FHOD3: variants seen among roughly 807,000 people sequenced by gnomAD.
FHOD3 encodes FH1/FH2 domain-containing protein 3.
In FHOD3, 90 loss-of-function variants were observed where a neutral mutation model predicts 173.0. That is an observed-to-expected ratio of 0.52 (90% CI 0.44 to 0.62). The LOEUF is 0.62. Ranked by LOEUF, FHOD3 falls within the 20% of genes least tolerant of loss-of-function variation. The probability of loss-of-function intolerance (pLI) is 0.00; values close to 1 mark genes in which losing one functional copy is unlikely to be tolerated. For missense variants in FHOD3, 1,945 were observed against 2,034.7 expected (o/e 0.96, Z 0.85); for synonymous variants, 828 against 823.0 (o/e 1.01, Z -0.10).
intron 5 of FHOD3, among the ~76,000 whole-genome samples, chr18:36,551,322 T>C (rs1165204380): frequency 6.6e-6 from 1 of 152,062 alleles, no homozygotes; most frequent in Admixed American, 6.5e-5. Context: ...GACAGATTGG[T>C]GTATAGTTTT....
intron 3 of FHOD3, among the ~76,000 whole-genome samples, chr18:36,467,079 C>T (rs2052989105): frequency 6.6e-6 from 1 of 152,220 alleles, no homozygotes; most frequent in East Asian, 1.9e-4. Flanking sequence ...TTCTTCAGGC[C>T]CTGACTGCTC....
At chr18:36,777,421 G>A (rs2043755199) in intron 28 of FHOD3, among the ~76,000 whole-genome samples, 1 of 151,958 alleles carries the variant, frequency 6.6e-6, no homozygotes, top group African/African-American at 2.4e-5. Flanking sequence ...TCAAGCTGCT[G>A]ACCTCAAGTG....
At chr18:36,528,458 G>A (rs989848767) in intron 5 of FHOD3, among the ~76,000 whole-genome samples, 3 of 152,152 alleles carry the variant, frequency 2.0e-5, no homozygotes, top group Admixed American at 2.0e-4. Flanking sequence ...TCTTTCTATG[G>A]CTCACCTTCT....
intron 3 of FHOD3, among the ~76,000 whole-genome samples, chr18:36,492,537 A>G (rs2054523885): frequency 6.6e-6 from 1 of 152,220 alleles, no homozygotes. Context: ...TTCATTTACA[A>G]TTATAACCTC....
intron 17 of FHOD3, among the ~76,000 whole-genome samples, chr18:36,704,640 C>G (rs1225244433): frequency 6.6e-6 from 1 of 152,202 alleles, no homozygotes; most frequent in African/African-American, 2.4e-5. Context: ...AAGGGACACT[C>G]TGCTCCTTCC....
intron 10 of FHOD3, among the ~76,000 whole-genome samples, chr18:36,633,693 A>G (rs2034676807): frequency 1.3e-5 from 2 of 152,336 alleles, no homozygotes; most frequent in South Asian, 2.1e-4. Flanking sequence ...TACTCTCTGA[A>G]TCTATAGAAT....
At chr18:36,596,321 ATTTTTTTTTTTTTTTTTTT>A (rs539907617) in intron 7 of FHOD3, among the ~76,000 whole-genome samples, 10 of 57,496 alleles carry the variant, frequency 1.7e-4, no homozygotes, top group South Asian at 9.4e-4. Flanking sequence ...TGCCCAGCTA[ATTTTTTTTTTTTTTTTTTT>A]TTTTTTTTTT....
At chr18:36,462,961 C>G (rs2052651299) in intron 3 of FHOD3, among the ~76,000 whole-genome samples, 1 of 152,028 alleles carries the variant, frequency 6.6e-6, no homozygotes, top group Admixed American at 6.6e-5. Context: ...TATTGGATGG[C>G]TAAAATAATT....
At chr18:36,391,838 T>A (rs2048313567) in intron 3 of FHOD3, among the ~76,000 whole-genome samples, 3 of 152,170 alleles carry the variant, frequency 2.0e-5, no homozygotes, top group African/African-American at 4.8e-5. Flanking sequence ...GCCCCCTGAC[T>A]GTGTTGGTGC....
chr18:36,772,015 G>A (rs113514942), intron 28 of FHOD3, among the ~76,000 whole-genome samples: 9 of 152,170 alleles, frequency 5.9e-5, no homozygotes, highest in African/African-American at 1.7e-4. Flanking sequence ...GCACAATAAC[G>A]CGGTCATAAT....
At chr18:36,521,141 T>C (rs1412441421) in intron 5 of FHOD3, among the ~76,000 whole-genome samples, 1 of 152,184 alleles carries the variant, frequency 6.6e-6, no homozygotes, top group African/African-American at 2.4e-5. Flanking sequence ...TCTGAGGAAA[T>C]ATCAGTTGGT....
At chr18:36,409,132 A>G (rs2049217920) in intron 3 of FHOD3, among the ~76,000 whole-genome samples, 1 of 152,018 alleles carries the variant, frequency 6.6e-6, no homozygotes, top group African/African-American at 2.4e-5. Flanking sequence ...GGAGGAGACC[A>G]CCAGAACCAC....
intron 9 of FHOD3, among the ~76,000 whole-genome samples, 196 bp from the exon 10 acceptor site, chr18:36,625,315 G>A (rs528695010): frequency 6.6e-6 from 1 of 152,340 alleles, no homozygotes; most frequent in East Asian, 1.9e-4. Flanking sequence ...TACAGTGGCA[G>A]GCATCTTCCA....
intron 2 of FHOD3, among the ~76,000 whole-genome samples, chr18:36,372,124 G>A (rs945336670): frequency 2.0e-5 from 3 of 152,184 alleles, no homozygotes; most frequent in Non-Finnish European, 4.4e-5. Context: ...ATGTGGTGTG[G>A]TGTAAATTGA....
intron 3 of FHOD3, among the ~76,000 whole-genome samples, chr18:36,428,394 T>A (rs888130823): frequency 1.3e-5 from 2 of 152,206 alleles, no homozygotes; most frequent in African/African-American, 4.8e-5. Flanking sequence ...AAATGCCCCC[T>A]TCCTCCATCT....
chr18:36,488,073 C>G (rs1251300869), intron 3 of FHOD3, among the ~76,000 whole-genome samples: 1 of 152,148 alleles, frequency 6.6e-6, no homozygotes, highest in Non-Finnish European at 1.5e-5. Flanking sequence ...AATATCCATT[C>G]TTTTTTCTGA....
chr18:36,522,828 T>G (rs1056984489), intron 5 of FHOD3, among the ~76,000 whole-genome samples: 18 of 152,196 alleles, frequency 1.2e-4, no homozygotes, highest in African/African-American at 4.3e-4. Flanking sequence ...GTGTGCATGA[T>G]CAGGAGATGT....
At chr18:36,761,077 C>T (rs2042856343) in intron 27 of FHOD3, among the ~76,000 whole-genome samples, 1 of 152,204 alleles carries the variant, frequency 6.6e-6, no homozygotes, top group South Asian at 2.1e-4. Flanking sequence ...CAAATCCAGC[C>T]TTCCCCCTGC....
chr18:36,476,546 C>T (rs1296623665), intron 3 of FHOD3, among the ~76,000 whole-genome samples: 2 of 152,122 alleles, frequency 1.3e-5, no homozygotes, highest in African/African-American at 2.4e-5. Flanking sequence ...TTTTGGCCCC[C>T]CATAGTCAGG....
Sources: allele counts gnomAD v4.1 joint callset (sites outside exome capture counted in the v4.1 genomes callset), GRCh38; gene constraint gnomAD v4.1.1; transcripts MANE v1.5; gene names NCBI Gene and HGNC (gene_info 2026-07-23, HGNC 2026-07-21).